Variants in POU6F2 observed in about 807,000 individuals in gnomAD.
The protein encoded by POU6F2 is POU domain, class 6, transcription factor 2.
In POU6F2, 31 loss-of-function variants were observed where a neutral mutation model predicts 71.3. That is an observed-to-expected ratio of 0.43 (90% CI 0.33 to 0.59). The LOEUF (loss-of-function observed/expected upper bound fraction) is 0.59. POU6F2 is among the 20% of genes least tolerant of loss of function. The probability of loss-of-function intolerance (pLI) is 0.04; values close to 1 mark genes in which losing one functional copy is unlikely to be tolerated. For synonymous variants in POU6F2, 347 were observed against 355.7 expected (o/e 0.98, Z 0.27); for missense variants, 783 against 856.8 (o/e 0.91, Z 1.07).
intron 4 of POU6F2, among the ~76,000 whole-genome samples, chr7:39,279,314 G>C (rs1270578639): frequency 6.6e-6 from 1 of 151,888 alleles, no homozygotes; most frequent in Non-Finnish European, 1.5e-5. Context: ...GTCCTAAGCA[G>C]CATCTGCCTA....
intron 1 of POU6F2, among the ~76,000 whole-genome samples, chr7:39,062,660 A>G (rs1410539445): frequency 6.8e-6 from 1 of 146,162 alleles, no homozygotes; most frequent in Non-Finnish European, 1.5e-5. Context: ...AGTCCAGCAA[A>G]GCCATACTAG....
rs992801352 is a variant in POU6F2, at chr7:39,112,274, T to A, written c.277+26243T>A. Reference sequence around the variant, plus strand: ...TATGATACAGGTAACTTAAAAGTACTACTTTTAAGTGAGCGAATTCAGGTA... The same window carrying A: ...TATGATACAGGTAACTTAAAAGTACAACTTTTAAGTGAGCGAATTCAGGTA... On this transcript the variant is annotated intron_variant, in intron 2 of 9. Coordinates refer to ENST00000518318, the MANE Select transcript of POU6F2 (RefSeq NM_001370959.1). 2.0e-5 allele frequency among the ~76,000 whole-genome samples: 3 copies of A among 151,360 alleles called. No individual in the cohort carries two copies. In the Admixed American group the frequency reaches 2.0e-4, roughly 10 times the overall value.
At chr7:39,313,344 A>G (rs1193344397) in intron 4 of POU6F2, among the ~76,000 whole-genome samples, 3 of 151,842 alleles carry the variant, frequency 2.0e-5, no homozygotes, top group African/African-American at 7.3e-5. Context: ...CTTACCTAAA[A>G]TTCCAATACC....
At chr7:39,232,161 C>G (rs1347494438) in intron 4 of POU6F2, among the ~76,000 whole-genome samples, 1 of 151,900 alleles carries the variant, frequency 6.6e-6, no homozygotes, top group Non-Finnish European at 1.5e-5. Context: ...TATAAATATT[C>G]AACAATTTTA....
intron 4 of POU6F2, among the ~76,000 whole-genome samples, chr7:39,278,081 G>A (rs973226482): frequency 4.1e-5 from 4 of 97,294 alleles, no homozygotes; most frequent in East Asian, 3.7e-4. Flanking sequence ...GAAAGAAAGC[G>A]AGAAAGAGAG....
chr7:39,423,918 G>A (rs1011168590), intron 6 of POU6F2, among the ~76,000 whole-genome samples: 10 of 152,162 alleles, frequency 6.6e-5, no homozygotes, highest in Non-Finnish European at 1.5e-4. Context: ...CCAACATCGT[G>A]CCTGTCTTGG....
intron 1 of POU6F2, among the ~76,000 whole-genome samples, chr7:38,997,333 T>A (rs916293947): frequency 6.6e-6 from 1 of 152,216 alleles, no homozygotes; most frequent in African/African-American, 2.4e-5. Flanking sequence ...CTAATTGAAC[T>A]AGACTACTCA....
At chr7:39,000,279 T>A (rs1247961567) in intron 1 of POU6F2, among the ~76,000 whole-genome samples, 1 of 152,202 alleles carries the variant, frequency 6.6e-6, no homozygotes, top group African/African-American at 2.4e-5. Context: ...GATATACTCT[T>A]GGGAAAATCC....
At chr7:39,395,582 ATC>A (rs915480442) in intron 5 of POU6F2, among the ~76,000 whole-genome samples, 3 of 152,144 alleles carry the variant, frequency 2.0e-5, no homozygotes, top group Non-Finnish European at 2.9e-5. Flanking sequence ...TGTCTTGTCC[ATC>A]TCTGTGTCCC....
chr7:39,199,732 T>C (rs1398683198), intron 2 of POU6F2, among the ~76,000 whole-genome samples: 1 of 152,116 alleles, frequency 6.6e-6, no homozygotes, highest in East Asian at 1.9e-4. Context: ...GGGTTTCAGA[T>C]GTGAGATCAA....
chr7:39,406,564 C>T, intron 5 of POU6F2, 36 bp from the exon 6 acceptor site: 4 of 1,605,166 alleles, frequency 2.5e-6, no homozygotes, highest in Non-Finnish European at 3.4e-6. Context: ...CTGTGCCTCT[C>T]GGTGGTTTTC....
At chr7:39,366,752 G>A (rs1420556244) in intron 5 of POU6F2, among the ~76,000 whole-genome samples, 1 of 152,138 alleles carries the variant, frequency 6.6e-6, no homozygotes, top group African/African-American at 2.4e-5. Context: ...GGCTAGTGAA[G>A]GACCAGGAAT....
chr7:39,331,866 A>G (rs1280011525), intron 4 of POU6F2, among the ~76,000 whole-genome samples: 2 of 152,272 alleles, frequency 1.3e-5, no homozygotes, highest in East Asian at 3.9e-4. Context: ...ATTTTATTGC[A>G]CAATTGGTTT....
intron 4 of POU6F2, among the ~76,000 whole-genome samples, chr7:39,240,636 C>G (rs550277700): frequency 2.7e-4 from 41 of 152,240 alleles, no homozygotes; most frequent in African/African-American, 5.5e-4. Flanking sequence ...TTTGTTTACT[C>G]TGGCATCCCC....
intron 1 of POU6F2, among the ~76,000 whole-genome samples, chr7:39,035,715 T>A (rs1448764650): frequency 6.6e-6 from 1 of 151,318 alleles, no homozygotes; most frequent in African/African-American, 2.4e-5. Context: ...GAATTGCTAC[T>A]TGGTGCTTTT....
intron 1 of POU6F2, among the ~76,000 whole-genome samples, chr7:39,015,074 T>G (rs1789435358): frequency 6.6e-6 from 1 of 151,824 alleles, no homozygotes; most frequent in Non-Finnish European, 1.5e-5. Flanking sequence ...AAAAAAATTA[T>G]GTCAGTAACT....
At chr7:39,280,466 A>G (rs1784542305) in intron 4 of POU6F2, among the ~76,000 whole-genome samples, 2 of 152,250 alleles carry the variant, frequency 1.3e-5, no homozygotes, top group Non-Finnish European at 2.9e-5. Context: ...ACAAGTTCCA[A>G]GATTAAAGAT....
At chr7:39,279,251 T>C (rs12701712) in intron 4 of POU6F2, among the ~76,000 whole-genome samples, 41,026 of 151,670 alleles carry the variant, frequency 0.27, 6,297 homozygotes, top group African/African-American at 0.41. Context: ...CCAGCAAACA[T>C]CTACTCGAGT....
intron 4 of POU6F2, among the ~76,000 whole-genome samples, chr7:39,253,195 C>T (rs886537824): frequency 6.6e-6 from 1 of 152,232 alleles, no homozygotes. Context: ...GAACCGCTCC[C>T]AGGAGCTACA....
Sources: allele counts gnomAD v4.1 joint callset (sites outside exome capture counted in the v4.1 genomes callset), GRCh38; gene constraint gnomAD v4.1.1; transcripts MANE v1.5; gene names NCBI Gene and HGNC (gene_info 2026-07-23, HGNC 2026-07-21).